ZNF888: variants seen among roughly 807,000 people sequenced by gnomAD.
ZNF888 encodes zinc finger protein 888.
Under a neutral mutation model 7.2 loss-of-function variants are expected in ZNF888, and 5 were observed. The observed-to-expected ratio is 0.70, with a 90% CI of 0.36 to 1.46. The LOEUF (loss-of-function observed/expected upper bound fraction) is 1.46. Ranked by LOEUF, ZNF888 falls within the 40% of genes most tolerant of loss-of-function variation. The pLI, the probability that ZNF888 is intolerant of heterozygous loss-of-function variation, is 0.03. For missense variants in ZNF888, 716 were observed against 858.0 expected (o/e 0.83, Z 2.07); for synonymous variants, 240 against 284.3 (o/e 0.84, Z 1.57).
At chr19:52,908,467 TG>T (rs1243991920) in intron 4 of ZNF888, among the ~76,000 whole-genome samples, 1 of 152,208 alleles carries the variant, frequency 6.6e-6, no homozygotes, top group African/African-American at 2.4e-5. Context: ...GACCTTAAAG[TG>T]TGTCACAGTT....
intron 4 of ZNF888, among the ~76,000 whole-genome samples, chr19:52,911,573 C>T (rs555544174): frequency 4.0e-5 from 6 of 151,432 alleles, no homozygotes; most frequent in East Asian, 4.0e-4. Context: ...CTCCTGACCT[C>T]GTGATCCTCC....
Position 52,904,771 on chromosome 19 carries a change from T to C in ZNF888, c.*1394A>G, listed in dbSNP as rs549796268. The stretch of plus-strand genomic sequence containing the variant: ...GGCGCCGGGCTGCCTGTCTTTGATT[T>C]CACTTCCTTGTTTTTTTCCTAAAAC... On this transcript the variant is annotated 3_prime_UTR_variant, in exon 5 of 5. Transcript: ENST00000638862. The C allele has an allele frequency of 6.6e-6, 1 of 152,356 alleles. No individual in the cohort carries two copies. Among genetic ancestry groups the C allele is most frequent in the South Asian group, 2.1e-4 (1 of 4,828 alleles). 9.4% of individuals were successfully genotyped at this position (152,356 alleles called of 1,614,324 possible).
intron 4 of ZNF888, among the ~76,000 whole-genome samples, chr19:52,910,104 G>A (rs925303538): frequency 7.4e-6 from 1 of 135,264 alleles, no homozygotes; most frequent in African/African-American, 2.7e-5. Context: ...AGCATAGACT[G>A]CACCATCGCA....
rs554046774 is a variant in ZNF888, at chr19:52,914,451, T to G, written c.142+745A>C. ...GGACCATGAAGTGCTGGAGCTTTTCTAGAGTCCCAGCCCTATGTTTCAGTA... is the reference window on the plus strand; with the variant it reads ...GGACCATGAAGTGCTGGAGCTTTTCGAGAGTCCCAGCCCTATGTTTCAGTA... On this transcript the variant is annotated intron_variant, in intron 4 of 4. Coordinates refer to ENST00000638862, the MANE Select transcript of ZNF888 (RefSeq NM_001393938.1). The G allele has an allele frequency of 8.3e-6, 5 of 605,836 alleles. No individual in the cohort carries two copies. In the East Asian group the frequency reaches 7.0e-4, roughly 85 times the overall value. 37.5% of individuals were successfully genotyped at this position (605,836 alleles called of 1,614,324 possible). A position where few individuals can be genotyped will look rare whatever the true frequency, so the allele number is the denominator to read the frequency against.
chr19:52,906,889 T>C lies in ZNF888; in HGVS notation c.1433A>G (p.Lys478Arg). 2 of 1,612,988 alleles carry C rather than the reference T, an allele frequency of 1.2e-6. 1 individual carries two copies. The change falls in exon 5 of 5, where the codon AAA (lysine) becomes AGA (arginine). Residue 478 changes from lysine to arginine, a missense_variant. Around this residue, in one of 2 missense-constraint regions of ZNF888, gnomAD observed 697 missense variants for 803.4 expected, o/e 0.87. Coordinates refer to ENST00000638862, the MANE Select transcript of ZNF888 (RefSeq NM_001393938.1). ...CKECDKVFSR[K>R]SHLERHRRIH... ...TCTCCTATGTCTTTCAAGGTGTGATTTGCGACTGAAAACTTTGTCACATTC... is the reference window on the plus strand; with the variant it reads ...TCTCCTATGTCTTTCAAGGTGTGATCTGCGACTGAAAACTTTGTCACATTC...
chr19:52,922,346 C>T (rs2064831435), intron 1 of ZNF888, among the ~76,000 whole-genome samples: 1 of 151,920 alleles, frequency 6.6e-6, no homozygotes, highest in Admixed American at 6.6e-5. Context: ...CCAGATTTCC[C>T]AGGTGTCCTC....
At position 52,906,223 on chromosome 19, in the gene ZNF888, C is replaced by T. The variant is rs1398572093; in HGVS notation, c.2099G>A (p.Arg700His). 84 of 1,609,808 alleles carry T rather than the reference C, an allele frequency of 5.2e-5. No homozygotes were observed. The highest frequency in any genetic ancestry group is 1.7e-4 in the Middle Eastern group (1 of 6,032). The stretch of plus-strand genomic sequence containing the variant: ...ATGGTGAATAAGTGTTGACTGTGCA[C>T]GAAAGGCTTTGCCACACTCACTACA... Reference protein sequence around the residue: ...FKCSECGKAFRAQSTLIHHQA... With the variant: ...FKCSECGKAFHAQSTLIHHQA... Residue 700 changes from arginine to histidine, a missense_variant, in exon 5 of 5, where the codon CGT becomes CAT. Physicochemically the swap from Arg to His is conservative, Grantham distance 29. Transcript: ENST00000638862.
rs1279299845 is a variant in ZNF888 at position 52,906,625 on chromosome 19, G to A, written c.1697C>T (p.Ala566Val). 2 of 1,613,306 alleles carry A rather than the reference G, an allele frequency of 1.2e-6. No individual in the cohort carries two copies. Among genetic ancestry groups the A allele is most frequent in the African/African-American group, 1.3e-5 (1 of 74,778 alleles). ...TCCAGTATGAAGTCTATGATGATAT[G>A]CAAGGCTTGATTTGTGATTAAAACT... ...GKSFNHKSSL[A>V]YHHRLHTGEK... The change falls in exon 5 of 5, where the codon GCA becomes GTA. Residue 566 changes from alanine to valine, a missense_variant. Physicochemically the swap from Ala to Val is moderately conservative, Grantham distance 64. This residue lies in a region of ZNF888 where 697 missense variants were observed against 803.4 expected (regional missense o/e 0.87). Coordinates refer to ENST00000638862, the MANE Select transcript of ZNF888 (RefSeq NM_001393938.1).
In ZNF888 at chr19:52,906,466, G is replaced by A; in HGVS notation, c.1856C>T (p.Ser619Leu). The A allele has an allele frequency of 6.2e-7, 1 of 1,613,348 alleles. No individual in the cohort carries two copies. The highest frequency in any genetic ancestry group is 8.5e-7 in the Non-Finnish European group (1 of 1,179,612). ...AACTCTCCTATGTATTTCAAGGTGT[G>A]ATTTGATATTGAAAACTTTGTCACA... ...EECDKVFNIK[S>L]HLEIHRRVHT... Residue 619 changes from serine to leucine, a missense_variant, in exon 5 of 5, where the codon TCA (serine) becomes TTA (leucine). Coordinates refer to ENST00000638862, the MANE Select transcript of ZNF888 (RefSeq NM_001393938.1).
Position 52,906,633 on chromosome 19 carries a change from T to C in ZNF888, c.1689A>G (p.Ser563=). 1 of 1,613,884 alleles carries C rather than the reference T, an allele frequency of 6.2e-7. No homozygotes were observed. Among genetic ancestry groups the C allele is most frequent in the Non-Finnish European group, 8.5e-7 (1 of 1,179,822 alleles). Residue 563 remains serine (S), a synonymous_variant, in exon 5 of 5, where the codon TCA becomes TCG. Coordinates refer to ENST00000638862, the MANE Select transcript of ZNF888 (RefSeq NM_001393938.1). ...GAAGTCTATGATGATATGCAAGGCT[T>C]GATTTGTGATTAAAACTTTTGCCAC... ...NECGKSFNHK[S]SLAYHHRLHT... is the part of the protein sequence containing the mutation.
In ZNF888 at chr19:52,912,185, C is replaced by T. The variant is rs1227006569; in HGVS notation, c.142+3011G>A. Among the ~76,000 whole-genome samples, 5 of 148,940 alleles carry T rather than the reference C, an allele frequency of 3.4e-5. 1 individual carries two copies. Among genetic ancestry groups the T allele is most frequent in the Admixed American group, 6.6e-5 (1 of 15,056 alleles). On this transcript the variant is annotated intron_variant, in intron 4 of 4. Coordinates refer to ENST00000638862, the MANE Select transcript of ZNF888 (RefSeq NM_001393938.1). ...CTGGAGTGTCGTGGCAAGATCTCGG[C>T]TCACTGCAAGCTCCGCCTCCCGGGT...
intron 3 of ZNF888, among the ~76,000 whole-genome samples, chr19:52,916,247 G>A (rs796160135): frequency 3.9e-5 from 2 of 50,648 alleles, no homozygotes; most frequent in Non-Finnish European, 8.8e-5. Context: ...GGTAGAGGTT[G>A]CAGTGAGCTA....
In ZNF888 at chr19:52,917,988, T is replaced by C; in HGVS notation, c.-58-57A>G. The C allele has an allele frequency of 2.5e-6, 4 of 1,578,268 alleles. No homozygotes were observed. The East Asian group carries it at 9.0e-5, about 35-fold the overall frequency. Reference sequence around the variant, plus strand: ...TGTTGTTTATTGCTCAGAGTCAACATACCCCCTCCCTGTAAAACAACGACA... The same window carrying C: ...TGTTGTTTATTGCTCAGAGTCAACACACCCCCTCCCTGTAAAACAACGACA... On this transcript the variant is annotated intron_variant, in intron 2 of 4. Coordinates refer to ENST00000638862, the MANE Select transcript of ZNF888 (RefSeq NM_001393938.1).
intron 1 of ZNF888, among the ~76,000 whole-genome samples, chr19:52,923,008 C>T (rs1168853698): frequency 1.3e-5 from 2 of 152,140 alleles, no homozygotes; most frequent in Non-Finnish European, 2.9e-5. Context: ...GGTGTCAGCG[C>T]TGGGCTCCAG....
Position 52,920,660 on chromosome 19 carries a change from C to G in ZNF888, c.-177-1723G>C, listed in dbSNP as rs1285321845. Among the ~76,000 whole-genome samples the G allele has an allele frequency of 6.1e-5, 4 of 65,232 alleles. 1 individual carries two copies. Among genetic ancestry groups the G allele is most frequent in the Non-Finnish European group, 1.1e-4 (3 of 27,892 alleles). The allele number at this position is 65,232 out of a possible 152,430, so 42.8% of individuals were successfully genotyped here. ...ACCTGAACATTTCCTTTCTATGGAT[C>G]CCAGGTTTTTAGACAAACTCAACCA... On this transcript the variant is annotated intron_variant, in intron 1 of 4. Transcript: ENST00000638862.
chr19:52,906,242 C>CA lies in ZNF888; in HGVS notation c.2079dup (p.Glu694Ter). The CA allele has an allele frequency of 6.2e-7, 1 of 1,611,006 alleles. No individual in the cohort carries two copies. Among genetic ancestry groups the CA allele is most frequent in the Non-Finnish European group, 8.5e-7 (1 of 1,178,196 alleles). ...TGTGCACGAAAGGCTTTGCCACACT[C>CA]ACTACACTTGAAAGGTTTCTCTCCA... On this transcript the variant is annotated frameshift_variant, in exon 5 of 5. Transcript: ENST00000638862. LOFTEE classifies it low-confidence loss of function (END_TRUNC).
chr19:52,920,511 AAAAAAG>A (rs1568423818), intron 1 of ZNF888, among the ~76,000 whole-genome samples: 4 of 43,360 alleles, frequency 9.2e-5, no homozygotes, highest in African/African-American at 3.7e-4. Flanking sequence ...AAAAAAAAAA[AAAAAAG>A]AAAAAAAAAG....
chr19:52,907,793 G>A lies in ZNF888; in HGVS notation c.529C>T (p.Gln177Ter). 6.2e-7 allele frequency: 1 copy of A among 1,614,110 alleles called. No individual in the cohort carries two copies. Among genetic ancestry groups the A allele is most frequent in the Non-Finnish European group, 8.5e-7 (1 of 1,180,022 alleles). ...INNASSVSTS[Q>*]RISCRPKTHI... ...GTTTTGGGCCTACAAGAAATTCTTT[G>A]GGATGTTGAAACTGAGGAAGCATTG... The change falls in exon 5 of 5, where the codon CAA (glutamine) becomes TAA (stop). Residue 177 changes from glutamine (Q) to a stop codon, truncating the protein, a stop_gained. Coordinates refer to ENST00000638862, the MANE Select transcript of ZNF888 (RefSeq NM_001393938.1). LOFTEE classifies it low-confidence loss of function (END_TRUNC).
chr19:52,921,417 C>T (rs981875135), intron 1 of ZNF888, among the ~76,000 whole-genome samples: 3 of 152,098 alleles, frequency 2.0e-5, no homozygotes, highest in East Asian at 1.9e-4. Context: ...ACATTTTCAC[C>T]GAGTTACCCT....
Sources: allele counts gnomAD v4.1 joint callset (sites outside exome capture counted in the v4.1 genomes callset), GRCh38; gene constraint gnomAD v4.1.1; regional missense constraint gnomAD v4.1.1; transcripts MANE v1.5; gene names NCBI Gene and HGNC (gene_info 2026-07-23, HGNC 2026-07-21).